The following NRXN3 variants were observed in gnomAD, a reference collection of about 807,000 sequenced individuals.
NRXN3 encodes the protein neurexin 3, also known as neurexin III.
In NRXN3, 32 loss-of-function variants were observed where a neutral mutation model predicts 137.6. The observed-to-expected ratio is 0.23, with a 90% CI of 0.18 to 0.31. NRXN3 has a LOEUF of 0.31. NRXN3 is among the 10% of genes least tolerant of loss of function. The pLI, the probability that NRXN3 is intolerant of heterozygous loss-of-function variation, is 1.00. For synonymous variants in NRXN3, 798 were observed against 784.5 expected (o/e 1.02, Z -0.29); for missense variants, 1,574 against 2,062.5 (o/e 0.76, Z 4.59).
intron 8 of NRXN3, among the ~76,000 whole-genome samples, chr14:78,723,569 C>T (rs1004028519): frequency 4.6e-5 from 7 of 152,086 alleles, no homozygotes; most frequent in African/African-American, 7.2e-5. Flanking sequence ...TGGTCCCACT[C>T]GGAACATATG....
intron 15 of NRXN3, among the ~76,000 whole-genome samples, chr14:79,239,461 G>A (rs1486537833): frequency 6.6e-6 from 1 of 152,050 alleles, no homozygotes. Context: ...AAATAAAGGA[G>A]AAGGAAACAA....
At chr14:79,684,782 T>C (rs556218297) in intron 17 of NRXN3, among the ~76,000 whole-genome samples, 26 of 152,044 alleles carry the variant, frequency 1.7e-4, no homozygotes, top group African/African-American at 5.5e-4. Flanking sequence ...TACTTAGAAA[T>C]AAATAACCAA....
rs537078642 is a variant in NRXN3 at position 78,465,672 on chromosome 14, G to C, written c.757+167812G>C. Among the ~76,000 whole-genome samples, 8 of 151,688 alleles carry C rather than the reference G, an allele frequency of 5.3e-5. No individual in the cohort carries two copies. The East Asian group carries it at 1.6e-3, about 30-fold the overall frequency. ...CCTGCCTCACTCTCCCGAGTAGCTGGGACAGGCATGCACCACCATGCCCGG... is the reference window on the plus strand; with the variant it reads ...CCTGCCTCACTCTCCCGAGTAGCTGCGACAGGCATGCACCACCATGCCCGG... On this transcript the variant is annotated intron_variant, in intron 4 of 20. Transcript: ENST00000335750.
intron 16 of NRXN3, among the ~76,000 whole-genome samples, chr14:79,597,692 G>C (rs2097873598): frequency 6.6e-6 from 1 of 152,128 alleles, no homozygotes; most frequent in Admixed American, 6.6e-5. Flanking sequence ...TTCATGCTTA[G>C]AGGCAACTTG....
intron 15 of NRXN3, among the ~76,000 whole-genome samples, chr14:79,438,133 C>G (rs1182087469): frequency 5.3e-5 from 8 of 152,306 alleles, no homozygotes; most frequent in South Asian, 2.1e-4. Flanking sequence ...GCATTTTCTC[C>G]TGGGATCGGG....
At chr14:79,028,168 C>T (rs928435030) in intron 15 of NRXN3, among the ~76,000 whole-genome samples, 1 of 152,020 alleles carries the variant, frequency 6.6e-6, no homozygotes, top group African/African-American at 2.4e-5. Flanking sequence ...GAAACAGGAC[C>T]AGAACATTGA....
At chr14:78,228,817 G>A (rs2065013606) in intron 1 of NRXN3, among the ~76,000 whole-genome samples, 1 of 152,118 alleles carries the variant, frequency 6.6e-6, no homozygotes, top group African/African-American at 2.4e-5. Flanking sequence ...TGTACTACAG[G>A]GGAATCTAGG....
At chr14:79,328,529 A>G (rs1319545756) in intron 15 of NRXN3, among the ~76,000 whole-genome samples, 1 of 152,206 alleles carries the variant, frequency 6.6e-6, no homozygotes, top group Non-Finnish European at 1.5e-5. Context: ...GTGCCATGAG[A>G]AGTACTTAAA....
At chr14:79,670,129 A>G (rs1406404082) in intron 17 of NRXN3, among the ~76,000 whole-genome samples, 1 of 151,982 alleles carries the variant, frequency 6.6e-6, no homozygotes, top group African/African-American at 2.4e-5. Context: ...CCTCACTCCA[A>G]CACTATGAGG....
At chr14:79,687,255 A>G (rs2098699203) in intron 17 of NRXN3, among the ~76,000 whole-genome samples, 1 of 152,234 alleles carries the variant, frequency 6.6e-6, no homozygotes, top group Admixed American at 6.5e-5. Context: ...CAAACATTCT[A>G]GATGGCCTTT....
At chr14:78,520,682 T>C (rs568944185) in intron 4 of NRXN3, among the ~76,000 whole-genome samples, 1 of 152,214 alleles carries the variant, frequency 6.6e-6, no homozygotes, top group Non-Finnish European at 1.5e-5. Context: ...GGTTATTCCC[T>C]GTATACTCAC....
chr14:78,843,282 T>C (rs1048424691), intron 10 of NRXN3, among the ~76,000 whole-genome samples: 3 of 152,172 alleles, frequency 2.0e-5, no homozygotes, highest in Non-Finnish European at 4.4e-5. Context: ...TCGGGGTCCC[T>C]GCCTTCCTGC....
chr14:79,408,921 T>G (rs1456794013), intron 15 of NRXN3, among the ~76,000 whole-genome samples: 1 of 151,920 alleles, frequency 6.6e-6, no homozygotes, highest in African/African-American at 2.4e-5. Flanking sequence ...AATTCATGTG[T>G]TTTTTTTCTT....
At chr14:79,396,169 A>G (rs969645171) in intron 15 of NRXN3, among the ~76,000 whole-genome samples, 3 of 152,062 alleles carry the variant, frequency 2.0e-5, no homozygotes, top group African/African-American at 4.8e-5. Flanking sequence ...TAATATCACC[A>G]TAAACTGAAA....
At chr14:78,789,289 C>T (rs1194451862) in intron 8 of NRXN3, among the ~76,000 whole-genome samples, 1 of 152,162 alleles carries the variant, frequency 6.6e-6, no homozygotes, top group Non-Finnish European at 1.5e-5. Context: ...GTTCCCCCAT[C>T]TCAAATTTTA....
At chr14:79,767,990 C>A (rs1254396913) in intron 19 of NRXN3, among the ~76,000 whole-genome samples, 1 of 152,200 alleles carries the variant, frequency 6.6e-6, no homozygotes, top group Non-Finnish European at 1.5e-5. Flanking sequence ...GTTCCCTTTC[C>A]TAGTCAAAGA....
chr14:79,167,936 G>GTTT (rs59584874), intron 15 of NRXN3, among the ~76,000 whole-genome samples: 26,689 of 133,676 alleles, frequency 0.2, 2,705 homozygotes, highest in Middle Eastern at 0.23. Context: ...TTCTTTCCTT[G>GTTT]TTTTTTTTTT....
chr14:79,740,741 TATATATATATATATATATATATATATAA>T (rs1232398337), intron 19 of NRXN3, among the ~76,000 whole-genome samples: 6 of 45,518 alleles, frequency 1.3e-4, no homozygotes, highest in Admixed American at 7.4e-4. Flanking sequence ...TATATATATA[TATATATATATATATATATATATATATAA>T]CCTTACTTCT....
At position 78,338,752 on chromosome 14, in the gene NRXN3, A is replaced by T. The variant is rs191792745; in HGVS notation, c.757+40892A>T. Reference sequence around the variant, plus strand: ...TTTACCCCAAGTTAGACTGAAAAAGAAATGAGAGCAGAATCCAGGACCACA... The same window carrying T: ...TTTACCCCAAGTTAGACTGAAAAAGTAATGAGAGCAGAATCCAGGACCACA... On this transcript the variant is annotated intron_variant, in intron 4 of 20. Coordinates refer to ENST00000335750, the MANE Select transcript of NRXN3 (RefSeq NM_001330195.2). Among the ~76,000 whole-genome samples, 93 of 152,336 alleles carry T rather than the reference A, an allele frequency of 6.1e-4. 2 individuals carry two copies. Among genetic ancestry groups the T allele is most frequent in the Non-Finnish European group, 8.8e-5 (6 of 68,030 alleles).
Sources: gnomAD v4.1 joint callset for allele counts (sites outside exome capture counted in the v4.1 genomes callset) on GRCh38, gnomAD v4.1.1 for gene constraint, MANE v1.5 for transcripts, NCBI Gene and HGNC (gene_info 2026-07-23, HGNC 2026-07-21) for gene names.